NLGN1: variants seen among roughly 807,000 people sequenced by gnomAD.
NLGN1 encodes the protein neuroligin 1.
NLGN1 carries 12 observed loss-of-function variants against 65.5 expected under a neutral mutation model. The ratio of observed to expected loss-of-function variants is 0.18; its 90% confidence interval spans 0.12 to 0.30. The LOEUF is 0.30. NLGN1 is among the 10% of genes least tolerant of loss of function. The pLI is 1.00. For synonymous variants in NLGN1, 350 were observed against 359.5 expected, an observed-to-expected ratio of 0.97 and a Z score of 0.30; for missense variants, 750 against 1,007.1, an observed-to-expected ratio of 0.74 and a Z score of 3.46.
At chr3:173,707,716 G>T (rs1768269752) in intron 3 of NLGN1, among the ~76,000 whole-genome samples, 1 of 151,950 alleles carries the variant, frequency 6.6e-6, no homozygotes, top group South Asian at 2.1e-4. Flanking sequence ...TCACAAATGG[G>T]GTTGCACTCT....
chr3:173,694,311 T>TA (rs1374802105), intron 3 of NLGN1, among the ~76,000 whole-genome samples: 1 of 152,150 alleles, frequency 6.6e-6, no homozygotes, highest in Non-Finnish European at 1.5e-5. Flanking sequence ...AAACATTATG[T>TA]AATGTAGAGG....
chr3:173,983,749 C>G (rs894168807), intron 4 of NLGN1, among the ~76,000 whole-genome samples: 1 of 152,108 alleles, frequency 6.6e-6, no homozygotes, highest in Non-Finnish European at 1.5e-5. Flanking sequence ...GTGTCACCTT[C>G]ACGGAGCAGA....
At chr3:173,773,329 A>C (rs1436444507) in intron 3 of NLGN1, among the ~76,000 whole-genome samples, 1 of 152,110 alleles carries the variant, frequency 6.6e-6, no homozygotes, top group Non-Finnish European at 1.5e-5. Context: ...TCCCCAAAAA[A>C]CATTTTTTTA....
rs200212547 is a variant in NLGN1 at position 173,818,895 on chromosome 3, C to CTTTTTTTTTTTTTTTTTTTTTTTT, written c.646+11079_646+11080insTTTTTTTTTTTTTTTTTTTTTTTT. On this transcript the variant is annotated intron_variant, in intron 4 of 6. Transcript: ENST00000457714. ...AATTTTGTTCTGCCTTTGAATAGTTCTTTTTTTTTTTTTTTTCCAGTAAGG... is the reference window on the plus strand; with the variant it reads ...AATTTTGTTCTGCCTTTGAATAGTTCTTTTTTTTTTTTTTTTTTTTTTTTTTTTTTTTTTTTTTTTCCAGTAAGG... Among the ~76,000 whole-genome samples, 45 of 92,380 alleles carry CTTTTTTTTTTTTTTTTTTTTTTTT rather than the reference C, an allele frequency of 4.9e-4. 11 individuals are homozygous for CTTTTTTTTTTTTTTTTTTTTTTTT. The highest frequency in any genetic ancestry group is 1.7e-3 in the African/African-American group (37 of 21,218). 60.6% of individuals were successfully genotyped at this position (92,380 alleles called of 152,430 possible).
intron 4 of NLGN1, chr3:173,915,011 A>G (rs999558808): frequency 1.3e-5 from 2 of 152,204 alleles, no homozygotes; most frequent in African/African-American, 4.8e-5. Context: ...AATAGCATTA[A>G]TTATGACAAT....
At chr3:173,591,515 A>G (rs1230203544) in intron 2 of NLGN1, among the ~76,000 whole-genome samples, 2 of 152,118 alleles carry the variant, frequency 1.3e-5, no homozygotes, top group African/African-American at 4.8e-5. Context: ...TCACCACAGT[A>G]TTTGCCAATT....
intron 1 of NLGN1, among the ~76,000 whole-genome samples, chr3:173,415,453 C>T (rs767207465): frequency 3.9e-5 from 6 of 152,168 alleles, no homozygotes; most frequent in Non-Finnish European, 5.9e-5. Context: ...TGGAAAGAAG[C>T]TTGATGCTAT....
chr3:173,632,849 G>GTTTTTTTTTTTTTTTTTTT (rs5854526), intron 3 of NLGN1, among the ~76,000 whole-genome samples: 1 of 116,402 alleles, frequency 8.6e-6, no homozygotes, highest in Admixed American at 9.4e-5. Flanking sequence ...TTTTTTTTTT[G>GTTTTTTTTTTTTTTTTTTT]TTTTTTTTTT....
chr3:173,453,956 C>G (rs1722080926), intron 2 of NLGN1, among the ~76,000 whole-genome samples: 1 of 152,182 alleles, frequency 6.6e-6, no homozygotes, highest in South Asian at 2.1e-4. Flanking sequence ...CTGTCTATAG[C>G]CTTATGAAAT....
At chr3:174,072,052 T>A (rs1740002037) in intron 4 of NLGN1, among the ~76,000 whole-genome samples, 1 of 152,136 alleles carries the variant, frequency 6.6e-6, no homozygotes, top group South Asian at 2.1e-4. Flanking sequence ...AAAAGATGCA[T>A]AGTTGATAAC....
intron 4 of NLGN1, among the ~76,000 whole-genome samples, chr3:174,084,451 A>G (rs779601585): frequency 6.6e-6 from 1 of 152,286 alleles, no homozygotes; most frequent in South Asian, 2.1e-4. Context: ...CTCTCTAAAA[A>G]GACAGTGCAA....
chr3:174,188,877 G>C (rs970406692), intron 4 of NLGN1, among the ~76,000 whole-genome samples: 1 of 151,934 alleles, frequency 6.6e-6, no homozygotes, highest in African/African-American at 2.4e-5. Flanking sequence ...TTATTTAAGA[G>C]GCAACAGGGT....
At chr3:173,621,001 A>G (rs1276790065) in intron 3 of NLGN1, among the ~76,000 whole-genome samples, 1 of 152,186 alleles carries the variant, frequency 6.6e-6, no homozygotes, top group Non-Finnish European at 1.5e-5. Context: ...ATGCATATTG[A>G]TTGAATTCAA....
intron 2 of NLGN1, among the ~76,000 whole-genome samples, chr3:173,462,220 C>T (rs1723528069): frequency 6.6e-6 from 1 of 152,130 alleles, no homozygotes; most frequent in South Asian, 2.1e-4. Flanking sequence ...CCATTGGCCC[C>T]ATTTTGAGCA....
intron 4 of NLGN1, among the ~76,000 whole-genome samples, chr3:174,203,695 C>T (rs1357892180): frequency 2.6e-5 from 4 of 152,130 alleles, no homozygotes; most frequent in African/African-American, 9.7e-5. Flanking sequence ...ATGTGAATAT[C>T]GACTAGGGTT....
chr3:173,845,034 G>A (rs1423425810), intron 4 of NLGN1, among the ~76,000 whole-genome samples: 2 of 152,176 alleles, frequency 1.3e-5, no homozygotes, highest in Non-Finnish European at 2.9e-5. Flanking sequence ...TGGGTTTGGA[G>A]GAAGACCACT....
chr3:173,661,179 G>A (rs940372298), intron 3 of NLGN1, among the ~76,000 whole-genome samples: 2 of 151,968 alleles, frequency 1.3e-5, no homozygotes, highest in African/African-American at 4.8e-5. Flanking sequence ...ATTCAAAGTA[G>A]AGTAGTGAGC....
At chr3:173,773,329 A>T (rs1436444507) in intron 3 of NLGN1, among the ~76,000 whole-genome samples, 1 of 152,110 alleles carries the variant, frequency 6.6e-6, no homozygotes, top group African/African-American at 2.4e-5. Context: ...TCCCCAAAAA[A>T]CATTTTTTTA....
At chr3:173,749,394 A>G (rs1041686790) in intron 3 of NLGN1, among the ~76,000 whole-genome samples, 3 of 152,068 alleles carry the variant, frequency 2.0e-5, no homozygotes, top group Non-Finnish European at 2.9e-5. Context: ...TTATAAAATG[A>G]GAAGATTGTT....
Sources: gnomAD v4.1 joint callset for allele counts (sites outside exome capture counted in the v4.1 genomes callset) on GRCh38, gnomAD v4.1.1 for gene constraint, MANE v1.5 for transcripts, NCBI Gene and HGNC (gene_info 2026-07-23, HGNC 2026-07-21) for gene names.